The following CHN2 variants were observed in gnomAD, a reference collection of about 807,000 sequenced individuals.
The protein encoded by CHN2 is chimerin 2, also known as beta-chimaerin.
CHN2 carries 35 observed loss-of-function variants against 56.3 expected under a neutral mutation model. The ratio of observed to expected loss-of-function variants is 0.62; its 90% CI spans 0.47 to 0.82. The LOEUF is 0.82. Among genes scored for constraint, CHN2 ranks in the 40% least tolerant of loss-of-function variants. The probability of loss-of-function intolerance (pLI) is 0.00; values close to 1 mark genes in which losing one functional copy is unlikely to be tolerated. For synonymous variants in CHN2, 210 were observed against 212.8 expected (o/e 0.99, Z 0.12); for missense variants, 491 against 580.5 (o/e 0.85, Z 1.58).
At chr7:29,471,291 C>A (rs552158172) in intron 6 of CHN2, among the ~76,000 whole-genome samples, 1 of 152,128 alleles carries the variant, frequency 6.6e-6, no homozygotes, top group African/African-American at 2.4e-5. Context: ...TTGAAATGCG[C>A]GAGATCCTTA....
intron 2 of CHN2, among the ~76,000 whole-genome samples, chr7:29,356,207 C>A (rs1044226205): frequency 2.6e-5 from 4 of 152,102 alleles, no homozygotes; most frequent in East Asian, 1.9e-4. Context: ...ACAGCCTGCA[C>A]GTGTCCAAGA....
chr7:29,419,676 G>A (rs1303728194), intron 6 of CHN2, among the ~76,000 whole-genome samples: 3 of 152,098 alleles, frequency 2.0e-5, no homozygotes, highest in African/African-American at 7.2e-5. Context: ...TTAAAAATGG[G>A]CAAAGGACTT....
chr7:29,400,578 A>G lies in CHN2; in HGVS notation c.326A>G (p.His109Arg). The G allele has an allele frequency of 1.9e-6, 3 of 1,614,192 alleles. No homozygotes were observed. Among genetic ancestry groups the G allele is most frequent in the Non-Finnish European group, 2.5e-6 (3 of 1,180,038 alleles). Reference protein sequence around the residue: ...GNQTLNYRLFHDGKHFVGEKR... With the variant: ...GNQTLNYRLFRDGKHFVGEKR... ...CAGACCTTAAACTACAGGCTCTTCCACGACGGGAAACACTTTGTGGGTGAG... is the reference window on the plus strand; with the variant it reads ...CAGACCTTAAACTACAGGCTCTTCCGCGACGGGAAACACTTTGTGGGTGAG... Residue 109 changes from histidine (H) to arginine (R), a missense_variant, in exon 6 of 13, where the codon CAC becomes CGC. Physicochemically the swap from His to Arg is conservative, Grantham distance 29 (BLOSUM62 0). Transcript: ENST00000222792.
At chr7:29,447,704 G>A (rs941488217) in intron 6 of CHN2, among the ~76,000 whole-genome samples, 2 of 152,106 alleles carry the variant, frequency 1.3e-5, no homozygotes, top group African/African-American at 4.8e-5. Flanking sequence ...TGGTGAGAGG[G>A]ATATGTTAAT....
At chr7:29,147,088 G>T in intron 2 of CHN2, 1 of 1,317,380 alleles carries the variant, frequency 7.6e-7, no homozygotes. Context: ...CAAACTAAGT[G>T]AGGTTAAGTA....
chr7:29,327,259 G>C (rs1795879589), intron 1 of CHN2, among the ~76,000 whole-genome samples: 1 of 152,144 alleles, frequency 6.6e-6, no homozygotes. Context: ...GCATCCCTTG[G>C]GAACTTTTTA....
intron 1 of CHN2, among the ~76,000 whole-genome samples, chr7:29,337,654 T>A (rs1796726673): frequency 6.6e-6 from 1 of 152,190 alleles, no homozygotes; most frequent in African/African-American, 2.4e-5. Flanking sequence ...CTGCATACAT[T>A]TGTTCAAGCA....
Position 29,393,692 on chromosome 7 carries a change from C to A in CHN2, c.158C>A (p.Pro53Gln). The change falls in exon 4 of 13, where the codon CCA (proline) becomes CAA (glutamine). Residue 53 changes from proline to glutamine, a missense_variant. Coordinates refer to ENST00000222792, the MANE Select transcript of CHN2 (RefSeq NM_004067.4). ...IICPREVENR[P>Q]KYYGREFHGI... is the part of the protein sequence containing the mutation. ...TTTTTAATATAGGTGGAAAACAGAC[C>A]AAAATATTATGGAAGAGAGTATGTA... The A allele has an allele frequency of 1.1e-6, 1 of 875,820 alleles. No individual in the cohort carries two copies. Among genetic ancestry groups the A allele is most frequent in the South Asian group, 1.5e-5 (1 of 68,638 alleles). The allele number at this position is 875,820 out of a possible 1,614,324, so 54.3% of individuals were successfully genotyped here.
In CHN2 at chr7:29,332,857, G is replaced by T. The variant is rs575177584; in HGVS notation, c.50-21768G>T. ...TGATGATATTTTCAACTTATGATGG[G>T]GTTATGTGGACATAACCCCATCATA... On this transcript the variant is annotated intron_variant, in intron 1 of 12. Transcript: ENST00000222792. 2.0e-5 allele frequency: 3 copies of T among 151,760 alleles called. No homozygotes were observed. In the East Asian group the frequency reaches 5.9e-4, roughly 30 times the overall value. 9.4% of individuals were successfully genotyped at this position (151,760 alleles called of 1,614,324 possible). A position where few individuals can be genotyped will look rare whatever the true frequency, so the allele number is the denominator to read the frequency against.
At chr7:29,511,520 T>C (rs1195033434) in intron 12 of CHN2, among the ~76,000 whole-genome samples, 3 of 152,216 alleles carry the variant, frequency 2.0e-5, no homozygotes, top group Non-Finnish European at 4.4e-5. Context: ...TCAGGCATAG[T>C]GCCTGACTTA....
At position 29,172,451 on chromosome 7, in the gene CHN2, C is replaced by T. The variant is rs148039870; in HGVS notation, c.274+25491C>T. Among the ~76,000 whole-genome samples the T allele has an allele frequency of 4.7e-4, 72 of 152,236 alleles. No homozygotes were observed. In the East Asian group the frequency reaches 6.6e-3, roughly 14 times the overall value. On this transcript the variant is annotated intron_variant, in intron 2 of 6. Transcript: ENST00000439384. The stretch of plus-strand genomic sequence containing the variant: ...TCTGTCTCATCTATCATCATATTGC[C>T]ACCCATTTATCATCCAAAAAAAATT...
intron 1 of CHN2, chr7:29,199,681 T>C (rs925183618): frequency 6.6e-6 from 1 of 152,230 alleles, no homozygotes; most frequent in African/African-American, 2.4e-5. Context: ...TTAGATTTTA[T>C]TGTCCATTGT....
chr7:29,448,629 G>A (rs1465008060), intron 6 of CHN2, among the ~76,000 whole-genome samples: 1 of 152,084 alleles, frequency 6.6e-6, no homozygotes, highest in Non-Finnish European at 1.5e-5. Flanking sequence ...TTTCATTTCT[G>A]TAATAGATCA....
intron 10 of CHN2, among the ~76,000 whole-genome samples, chr7:29,505,754 A>G (rs895351012): frequency 6.6e-6 from 1 of 152,156 alleles, no homozygotes; most frequent in East Asian, 1.9e-4. Flanking sequence ...CAGCATAGCA[A>G]TCTTCCTATT....
intron 1 of CHN2, among the ~76,000 whole-genome samples, chr7:29,313,540 C>CT (rs1794739628): frequency 6.6e-6 from 1 of 152,178 alleles, no homozygotes; most frequent in African/African-American, 2.4e-5. Context: ...GCTGAGCTCT[C>CT]TGTTGCCTGC....
chr7:29,486,153 G>C (rs1254396964), intron 7 of CHN2, among the ~76,000 whole-genome samples: 4 of 152,208 alleles, frequency 2.6e-5, no homozygotes, highest in Non-Finnish European at 5.9e-5. Flanking sequence ...ATGGGAGGGG[G>C]TGGGGAGAGA....
chr7:29,312,243 T>C (rs569012670), intron 1 of CHN2, among the ~76,000 whole-genome samples: 2 of 151,932 alleles, frequency 1.3e-5, no homozygotes, highest in African/African-American at 4.8e-5. Context: ...ACTTTTTTTC[T>C]GCTTTGCTCC....
chr7:29,385,348 G>A (rs1800834516), intron 3 of CHN2, among the ~76,000 whole-genome samples: 1 of 152,150 alleles, frequency 6.6e-6, no homozygotes, highest in African/African-American at 2.4e-5. Flanking sequence ...CTAAAGCAGG[G>A]TTTATTGACC....
At chr7:29,208,624 T>A (rs1784699669) in intron 1 of CHN2, among the ~76,000 whole-genome samples, 1 of 152,170 alleles carries the variant, frequency 6.6e-6, no homozygotes, top group African/African-American at 2.4e-5. Context: ...GGCTAAGCCA[T>A]CTCTAACAAA....
Sources: gnomAD v4.1 joint callset for allele counts (sites outside exome capture counted in the v4.1 genomes callset) on GRCh38, gnomAD v4.1.1 for gene constraint, MANE v1.5 for transcripts, NCBI Gene and HGNC (gene_info 2026-07-23, HGNC 2026-07-21) for gene names.